Variants in LDB2 observed in about 807,000 individuals in gnomAD.
LDB2 encodes LIM domain-binding protein 2.
A neutral mutation model predicts 44.3 loss-of-function variants in LDB2; 12 were observed. That is an observed-to-expected ratio of 0.27 (90% confidence interval 0.17 to 0.44). The LOEUF (loss-of-function observed/expected upper bound fraction) is 0.44. LDB2 is among the 20% of genes least tolerant of loss of function. The pLI is 1.00. For synonymous variants in LDB2, 164 were observed against 174.8 expected (o/e 0.94, Z 0.49); for missense variants, 344 against 473.5 (o/e 0.73, Z 2.54).
chr4:16,592,505 T>TATAC lies in LDB2; in HGVS notation c.408+3197_408+3198insGTAT, dbSNP rs757702164. Among the ~76,000 whole-genome samples the TATAC allele has an allele frequency of 7.8e-3, 842 of 107,300 alleles. 1 individual carries two copies. The highest frequency in any genetic ancestry group is 0.011 in the South Asian group (32 of 2,852). 70.4% of individuals were successfully genotyped at this position (107,300 alleles called of 152,430 possible). A position where few individuals can be genotyped will look rare whatever the true frequency, so the allele number is the denominator to read the frequency against. On this transcript the variant is annotated intron_variant, in intron 3 of 7. Coordinates refer to ENST00000304523, the MANE Select transcript of LDB2 (RefSeq NM_001290.5). The stretch of plus-strand genomic sequence containing the variant: ...ATATATATATATATATATATATATA[T>TATAC]ACACACACACACACACAAACACACA...
intron 1 of LDB2, among the ~76,000 whole-genome samples, chr4:16,878,765 A>C (rs144553519): frequency 1.3e-5 from 2 of 152,280 alleles, no homozygotes; most frequent in Non-Finnish European, 2.9e-5. Context: ...GCTTACTATT[A>C]TTCTTTTAAA....
intron 5 of LDB2, among the ~76,000 whole-genome samples, chr4:16,519,028 G>A (rs147806440): frequency 2.0e-5 from 3 of 152,248 alleles, no homozygotes; most frequent in African/African-American, 7.2e-5. Context: ...AGCACTTATC[G>A]TGAATCTTTG....
At chr4:16,590,644 G>T (rs995577549) in intron 3 of LDB2, among the ~76,000 whole-genome samples, 19 of 152,192 alleles carry the variant, frequency 1.2e-4, no homozygotes, top group African/African-American at 4.6e-4. Flanking sequence ...TGCTGTTAAC[G>T]TGTGCCATCT....
At chr4:16,515,545 A>G (rs1207932392) in intron 5 of LDB2, among the ~76,000 whole-genome samples, 1 of 152,260 alleles carries the variant, frequency 6.6e-6, no homozygotes, top group African/African-American at 2.4e-5. Flanking sequence ...TTCCACAGTC[A>G]TCTGTGCAAG....
At chr4:16,619,410 G>A (rs1292612075) in intron 2 of LDB2, among the ~76,000 whole-genome samples, 1 of 152,192 alleles carries the variant, frequency 6.6e-6, no homozygotes. Flanking sequence ...GATGCCATGT[G>A]GTAAGATAAT....
At chr4:16,512,447 A>AAACAAAC (rs1722132945) in intron 5 of LDB2, among the ~76,000 whole-genome samples, 1 of 125,956 alleles carries the variant, frequency 7.9e-6, no homozygotes, top group African/African-American at 2.8e-5. Context: ...GGTTAAAAAC[A>AAACAAAC]AACAAAACAA....
intron 2 of LDB2, among the ~76,000 whole-genome samples, chr4:16,727,032 TGG>T (rs1561011542): frequency 4.9e-4 from 75 of 152,310 alleles, no homozygotes; most frequent in African/African-American, 1.7e-3. Flanking sequence ...GGTGGCTTGA[TGG>T]TAAGTTAGTT....
At chr4:16,538,589 C>T (rs1168337192) in intron 5 of LDB2, among the ~76,000 whole-genome samples, 1 of 152,132 alleles carries the variant, frequency 6.6e-6, no homozygotes, top group East Asian at 1.9e-4. Flanking sequence ...CTAGAGGCCA[C>T]CTACAGCAGC....
intron 2 of LDB2, among the ~76,000 whole-genome samples, chr4:16,691,720 A>C (rs942509939): frequency 2.0e-5 from 3 of 152,178 alleles, no homozygotes; most frequent in African/African-American, 7.2e-5. Context: ...AGGCAGTTCC[A>C]CATCTTCTAA....
At chr4:16,613,161 TC>T (rs1726164375) in intron 2 of LDB2, among the ~76,000 whole-genome samples, 1 of 152,090 alleles carries the variant, frequency 6.6e-6, no homozygotes, top group South Asian at 2.1e-4. Context: ...AAATTCAACA[TC>T]CCTTCATGTT....
intron 2 of LDB2, among the ~76,000 whole-genome samples, chr4:16,756,129 C>T (rs374244432): frequency 1.3e-5 from 2 of 152,076 alleles, no homozygotes; most frequent in African/African-American, 2.4e-5. Context: ...ATTATACTGC[C>T]GGGACTTTTG....
rs1767320863 is a variant in LDB2 at position 16,759,114 on chromosome 4, G to C, written c.235+44C>G. The C allele has an allele frequency of 3.6e-6, 5 of 1,373,594 alleles. No individual in the cohort carries two copies. The East Asian group carries it at 1.1e-4, about 31-fold the overall frequency. 85.1% of individuals were successfully genotyped at this position (1,373,594 alleles called of 1,614,324 possible). On this transcript the variant is annotated intron_variant, in intron 2 of 7. Transcript: ENST00000304523. Reference sequence around the variant, plus strand: ...TGAAGACCCCTGCGGTTTTCTTACAGGCACAAAACGAGGTAATATTAGAAA... The same window carrying C: ...TGAAGACCCCTGCGGTTTTCTTACACGCACAAAACGAGGTAATATTAGAAA...
At position 16,502,542 on chromosome 4, in the gene LDB2, A is replaced by G. The variant is rs888763191; in HGVS notation, c.*101T>C. ...GGTTTAGAAATAGATATTTGCATGGAAAAGTTTTTATCTCTTCTGTTTCCT... is the reference window on the plus strand; with the variant it reads ...GGTTTAGAAATAGATATTTGCATGGGAAAGTTTTTATCTCTTCTGTTTCCT... On this transcript the variant is annotated 3_prime_UTR_variant, in exon 8 of 8. Transcript: ENST00000304523. 7.0e-5 allele frequency: 102 copies of G among 1,455,552 alleles called. No homozygotes were observed. Among genetic ancestry groups the G allele is most frequent in the Non-Finnish European group, 8.6e-5 (91 of 1,061,028 alleles). The allele number at this position is 1,455,552 out of a possible 1,614,324, so 90.2% of individuals were successfully genotyped here.
Position 16,508,602 on chromosome 4 carries a change from T to G in LDB2, c.824A>C (p.Asn275Thr), listed in dbSNP as rs1475872419. 15 of 1,613,700 alleles carry G rather than the reference T, an allele frequency of 9.3e-6. No individual in the cohort carries two copies. The highest frequency in any genetic ancestry group is 1.3e-5 in the Non-Finnish European group (15 of 1,179,786). Residue 275 changes from asparagine to threonine, a missense_variant, in exon 7 of 8, where the codon AAT becomes ACT. This residue lies in a region of LDB2 where 86 missense variants were observed against 171.2 expected (regional missense o/e 0.50). Transcript: ENST00000304523. ...SSTSNSSAGN[N>T]ANSTGSKKKT... ...CTTCTTGCTGCCAGTGCTGTTTGCA[T>G]TGTTCCCAGCGCTGCTGTTGGAAGT... is the stretch of plus-strand genomic sequence containing the variant.
intron 1 of LDB2, among the ~76,000 whole-genome samples, chr4:16,855,183 G>T (rs1789108562): frequency 6.6e-6 from 1 of 152,012 alleles, no homozygotes; most frequent in Non-Finnish European, 1.5e-5. Context: ...CTCACTATTT[G>T]CCTTTTGCTT....
intron 5 of LDB2, chr4:16,581,424 C>T (rs1714403057): frequency 1.0e-6 from 1 of 984,826 alleles, no homozygotes; most frequent in Non-Finnish European, 1.2e-6. Context: ...CATGCTGTTA[C>T]TGGAAAAAAA....
At chr4:16,662,620 T>G (rs761216502) in intron 2 of LDB2, among the ~76,000 whole-genome samples, 1 of 152,116 alleles carries the variant, frequency 6.6e-6, no homozygotes, top group Non-Finnish European at 1.5e-5. Flanking sequence ...TGGGATGTAA[T>G]TGAATCGTGA....
intron 2 of LDB2, among the ~76,000 whole-genome samples, chr4:16,702,324 G>A (rs566060969): frequency 5.3e-5 from 8 of 152,136 alleles, no homozygotes; most frequent in Admixed American, 2.6e-4. Flanking sequence ...GGTTGTCAAC[G>A]TATTTCCTAA....
At position 16,522,276 on chromosome 4, in the gene LDB2, T is replaced by TTGTGTGCGTGTG. The variant is rs1553878108; in HGVS notation, c.616-10173_616-10172insCACACGCACACA. Among the ~76,000 whole-genome samples, 432 of 150,348 alleles carry TTGTGTGCGTGTG rather than the reference T, an allele frequency of 2.9e-3. 3 individuals are homozygous for TTGTGTGCGTGTG. The highest frequency in any genetic ancestry group is 1.0e-2 in the African/African-American group (407 of 40,810). On this transcript the variant is annotated intron_variant, in intron 5 of 7. Coordinates refer to ENST00000304523, the MANE Select transcript of LDB2 (RefSeq NM_001290.5). ...GATATTCCCCGCCGTGTGTGTGTGTTTGTGTGTGTGTGTGTGTGTGTATGT... is the reference window on the plus strand; with the variant it reads ...GATATTCCCCGCCGTGTGTGTGTGTTTGTGTGCGTGTGTGTGTGTGTGTGTGTGTGTGTATGT...
Sources: allele counts gnomAD v4.1 joint callset (sites outside exome capture counted in the v4.1 genomes callset), GRCh38; gene constraint gnomAD v4.1.1; regional missense constraint gnomAD v4.1.1; transcripts MANE v1.5; gene names NCBI Gene and HGNC (gene_info 2026-07-23, HGNC 2026-07-21).